The following AFAP1L2 variants were observed in gnomAD, a reference collection of about 807,000 sequenced individuals.
The protein encoded by AFAP1L2 is actin filament-associated protein 1-like 2.
Under a neutral mutation model 99.3 loss-of-function variants are expected in AFAP1L2, and 46 were observed. That is an observed-to-expected ratio of 0.46 (90% confidence interval 0.37 to 0.59). The LOEUF is 0.59. AFAP1L2 is among the 20% of genes least tolerant of loss of function. The pLI is 0.00. For missense variants in AFAP1L2, 959 were observed against 1,034.9 expected (o/e 0.93, Z 1.01); for synonymous variants, 397 against 419.1 (o/e 0.95, Z 0.64).
the AFAP1L2 span, chr10:114,288,937 G>C: frequency 6.2e-7 from 1 of 1,600,490 alleles, no homozygotes; most frequent in Non-Finnish European, 8.5e-7. Context: ...TGCTCCTGCA[G>C]GGTGCCGGAC....
intron 1 of AFAP1L2, 96 bp downstream of exon 1, chr10:114,404,344 A>C: frequency 7.3e-7 from 1 of 1,367,982 alleles, no homozygotes; most frequent in Non-Finnish European, 1.0e-6. Flanking sequence ...GGCTCTGCTT[A>C]TCCCGAGTCC....
At chr10:114,329,815 A>G (rs1300341907) in intron 4 of AFAP1L2, among the ~76,000 whole-genome samples, 1 of 152,216 alleles carries the variant, frequency 6.6e-6, no homozygotes, top group African/African-American at 2.4e-5. Flanking sequence ...ATTGGGAACA[A>G]CAACAACAAA....
chr10:114,373,643 C>A (rs909010124), intron 1 of AFAP1L2, among the ~76,000 whole-genome samples: 46 of 148,652 alleles, frequency 3.1e-4, no homozygotes, highest in African/African-American at 1.2e-3. Flanking sequence ...CCACCAACGA[C>A]AAAAAAAAAC....
intron 1 of AFAP1L2, among the ~76,000 whole-genome samples, chr10:114,395,752 G>T (rs1203955282): frequency 6.6e-6 from 1 of 152,070 alleles, no homozygotes; most frequent in Non-Finnish European, 1.5e-5. Context: ...TTGTGGCAGA[G>T]GTGTGCAGCC....
intron 5 of AFAP1L2, among the ~76,000 whole-genome samples, chr10:114,319,088 A>T (rs1465095615): frequency 6.6e-6 from 1 of 152,170 alleles, no homozygotes; most frequent in Non-Finnish European, 1.5e-5. Flanking sequence ...TGGGAGGTGA[A>T]GGTTGCAGTG....
intron 1 of AFAP1L2, among the ~76,000 whole-genome samples, chr10:114,361,431 G>A (rs943912044): frequency 6.6e-6 from 1 of 152,168 alleles, no homozygotes; most frequent in Non-Finnish European, 1.5e-5. Flanking sequence ...ACTGTCTGGA[G>A]ATTGTTCCCA....
chr10:114,333,345 G>C (rs567584753), intron 2 of AFAP1L2, 50 bp from the exon 3 acceptor site: 1 of 1,477,946 alleles, frequency 6.8e-7, no homozygotes, highest in East Asian at 2.3e-5. Flanking sequence ...GAAGAGAAAG[G>C]GCCTCCAGCT....
chr10:114,311,772 A>C (rs2043278406), intron 7 of AFAP1L2, among the ~76,000 whole-genome samples: 1 of 152,126 alleles, frequency 6.6e-6, no homozygotes, highest in South Asian at 2.1e-4. Flanking sequence ...GCCTTCCTTT[A>C]CTGGGACCGT....
intron 1 of AFAP1L2, among the ~76,000 whole-genome samples, chr10:114,367,318 C>G (rs539487268): frequency 6.6e-6 from 1 of 152,302 alleles, no homozygotes; most frequent in African/African-American, 2.4e-5. Context: ...AGATTTATAT[C>G]AGGCCAGCTT....
rs1223179021 is a variant in AFAP1L2 at position 114,310,970 on chromosome 10, C to CGCCCGCCT, written c.793-528_793-527insAGGCGGGC. Among the ~76,000 whole-genome samples the CGCCCGCCT allele has an allele frequency of 4.9e-3, 738 of 150,896 alleles. 5 individuals carry two copies. Among genetic ancestry groups the CGCCCGCCT allele is most frequent in the African/African-American group, 0.017 (702 of 40,938 alleles). On this transcript the variant is annotated intron_variant, in intron 7 of 18. Transcript: ENST00000304129. The stretch of plus-strand genomic sequence containing the variant: ...GCCTGCCGCCACCCACCCGCCCGCC[C>CGCCCGCCT]GCCTCTGGGAAGGGGCCTCTTCACT...
chr10:114,369,007 G>A (rs186837096), intron 1 of AFAP1L2, among the ~76,000 whole-genome samples: 51 of 152,270 alleles, frequency 3.3e-4, no homozygotes, highest in Admixed American at 2.9e-3. Context: ...CGGCAAAACT[G>A]ATGCCACTAT....
intron 1 of AFAP1L2, among the ~76,000 whole-genome samples, chr10:114,353,018 C>T (rs528237804): frequency 2.1e-4 from 32 of 152,280 alleles, no homozygotes; most frequent in South Asian, 1.2e-3. Context: ...GGAACTAAAA[C>T]GCCACACCCA....
Position 114,308,458 on chromosome 10 carries a change from G to T in AFAP1L2, c.942C>A (p.His314Gln). The T allele has an allele frequency of 6.2e-7, 1 of 1,614,184 alleles. No individual in the cohort carries two copies. The highest frequency in any genetic ancestry group is 8.5e-7 in the Non-Finnish European group (1 of 1,180,032). The change falls in exon 9 of 19, where the codon CAC becomes CAA. Residue 314 changes from histidine (H) to glutamine (Q), a missense_variant. Coordinates refer to ENST00000304129, the MANE Select transcript of AFAP1L2 (RefSeq NM_001001936.3). ...CGTCTTTGGTTTCTGGGACCTCAGG[G>T]TGGCCATCCACGGAGCTCCCATACT... Reference protein sequence around the residue: ...ASEYGSSVDGHPEVPETKDVK... With the variant: ...ASEYGSSVDGQPEVPETKDVK...
chr10:114,295,259 G>A lies in AFAP1L2; in HGVS notation c.*783C>T. The A allele has an allele frequency of 1.0e-6, 1 of 985,490 alleles. No individual in the cohort carries two copies. Among genetic ancestry groups the A allele is most frequent in the Non-Finnish European group, 1.2e-6 (1 of 829,646 alleles). 61.0% of individuals were successfully genotyped at this position (985,490 alleles called of 1,614,324 possible). A position where few individuals can be genotyped will look rare whatever the true frequency, so the allele number is the denominator to read the frequency against. On this transcript the variant is annotated 3_prime_UTR_variant, in exon 19 of 19. Coordinates refer to ENST00000304129, the MANE Select transcript of AFAP1L2 (RefSeq NM_001001936.3). ...AGAGTAATATTTTTCCTACAGTAAA[G>A]AGTCACTTTAATCTCAAAAGATACT...
chr10:114,283,327 G>C, the AFAP1L2 span, among the ~76,000 whole-genome samples: 4 of 151,122 alleles, frequency 2.6e-5, no homozygotes, highest in African/African-American at 9.7e-5. Context: ...GCAGGGTAGC[G>C]AGCAGTTAGA....
intron 3 of AFAP1L2, among the ~76,000 whole-genome samples, chr10:114,332,630 T>C (rs2047404911): frequency 6.6e-6 from 1 of 152,226 alleles, no homozygotes; most frequent in Non-Finnish European, 1.5e-5. Context: ...CTTCTGCAAC[T>C]AGGCAGCTCT....
chr10:114,390,494 G>A (rs559395643), intron 1 of AFAP1L2, among the ~76,000 whole-genome samples: 16 of 152,172 alleles, frequency 1.1e-4, no homozygotes, highest in Non-Finnish European at 1.8e-4. Context: ...AGGCTGAGGC[G>A]GGCAGATCAC....
At chr10:114,302,908 C>G (rs983504538) in intron 11 of AFAP1L2, among the ~76,000 whole-genome samples, 1 of 152,176 alleles carries the variant, frequency 6.6e-6, no homozygotes, top group Non-Finnish European at 1.5e-5. Context: ...TTCCCCCAAT[C>G]CCATATACAA....
In AFAP1L2 at chr10:114,295,355, A is replaced by T. The variant is rs964823732; in HGVS notation, c.*687T>A. ...ATAATACAGCATCACTTAAAATTTT[A>T]TTTAAAGACAGTTGATTCAGGCCTG... On this transcript the variant is annotated 3_prime_UTR_variant, in exon 19 of 19. Transcript: ENST00000304129. The T allele has an allele frequency of 2.7e-5, 27 of 985,604 alleles. No individual in the cohort carries two copies. The Admixed American group carries it at 3.7e-4, about 13-fold the overall frequency. The allele number at this position is 985,604 out of a possible 1,614,324, so 61.1% of individuals were successfully genotyped here.
Sources: gnomAD v4.1 joint callset for allele counts (sites outside exome capture counted in the v4.1 genomes callset) on GRCh38, gnomAD v4.1.1 for gene constraint, MANE v1.5 for transcripts, NCBI Gene and HGNC (gene_info 2026-07-23, HGNC 2026-07-21) for gene names.